The following AK8 variants were observed in gnomAD, a reference collection of about 807,000 sequenced individuals.
The protein encoded by AK8 is adenylate kinase 8.
In AK8, 44 loss-of-function variants were observed where a neutral mutation model predicts 54.6. The ratio of observed to expected loss-of-function variants is 0.81; its 90% confidence interval spans 0.63 to 1.04. The LOEUF is 1.04. AK8 is among the 50% of genes least tolerant of loss of function. The pLI is 0.00. For missense variants in AK8, 555 were observed against 613.6 expected (o/e 0.90, Z 1.01); for synonymous variants, 239 against 245.6 (o/e 0.97, Z 0.25).
chr9:132,813,261 A>G (rs1268664565), intron 10 of AK8, among the ~76,000 whole-genome samples: 1 of 151,744 alleles, frequency 6.6e-6, no homozygotes, highest in Non-Finnish European at 1.5e-5. Flanking sequence ...TACTCCACAC[A>G]CTTGAACTCC....
chr9:132,848,016 G>T (rs2809258), intron 5 of AK8, among the ~76,000 whole-genome samples: 114,677 of 151,538 alleles, frequency 0.76, 43,614 homozygotes, highest in South Asian at 0.86. Flanking sequence ...CTCAGGAAGC[G>T]GAGGTGGGAG....
intron 5 of AK8, among the ~76,000 whole-genome samples, chr9:132,835,454 C>T (rs941884377): frequency 9.2e-5 from 14 of 152,190 alleles, no homozygotes; most frequent in African/African-American, 3.4e-4. Flanking sequence ...GGCCCATTCC[C>T]CTCAAACACT....
intron 11 of AK8, among the ~76,000 whole-genome samples, chr9:132,746,269 T>C (rs1039899715): frequency 8.5e-5 from 13 of 152,178 alleles, no homozygotes; most frequent in African/African-American, 3.1e-4. Flanking sequence ...AGCCCTGTGG[T>C]TACCACCTTC....
chr9:132,843,966 A>C (rs1428356784), intron 5 of AK8, among the ~76,000 whole-genome samples: 5 of 152,244 alleles, frequency 3.3e-5, no homozygotes, highest in Non-Finnish European at 7.3e-5. Flanking sequence ...ATCAGGTTCC[A>C]AATAAAGGAA....
intron 1 of AK8, among the ~76,000 whole-genome samples, chr9:132,875,655 C>T (rs141478710): frequency 8.5e-5 from 13 of 152,348 alleles, no homozygotes; most frequent in African/African-American, 2.6e-4. Context: ...ATGTGCACTA[C>T]GTAAATATGT....
rs142063382 is a variant in AK8 at position 132,791,802 on chromosome 9, C to G, written c.1121+832G>C. On this transcript the variant is annotated intron_variant, in intron 11 of 12. Coordinates refer to ENST00000298545, the MANE Select transcript of AK8 (RefSeq NM_152572.3). The surrounding 1 kb of genome is among the most constrained non-coding windows in gnomAD (Gnocchi z 4.0). ...CCACAATCTCTGCAGCAATCAGCCC[C>G]AAAGGACCAGGACTTGATCAGGAAT... Among the ~76,000 whole-genome samples, 35 of 152,366 alleles carry G rather than the reference C, an allele frequency of 2.3e-4. No homozygotes were observed. Among genetic ancestry groups the G allele is most frequent in the African/African-American group, 7.9e-4 (33 of 41,578 alleles).
At chr9:132,871,115 G>A (rs1419046581) in intron 2 of AK8, among the ~76,000 whole-genome samples, 3 of 152,098 alleles carry the variant, frequency 2.0e-5, no homozygotes, top group Non-Finnish European at 4.4e-5. Context: ...GCATGGTGGC[G>A]GGTGCCTGTA....
chr9:132,782,177 A>G (rs1434569033), intron 11 of AK8, among the ~76,000 whole-genome samples: 1 of 152,018 alleles, frequency 6.6e-6, no homozygotes, highest in Non-Finnish European at 1.5e-5. Context: ...CGGTTCTTGA[A>G]TATTCCTCCT....
chr9:132,853,763 A>G (rs967000426), intron 5 of AK8, among the ~76,000 whole-genome samples: 12 of 142,772 alleles, frequency 8.4e-5, no homozygotes, highest in Non-Finnish European at 1.5e-4. Context: ...CAGCCTGGGC[A>G]ACAGAGCAAG....
At position 132,807,948 on chromosome 9, in the gene AK8, C is replaced by T. The variant is rs144696814; in HGVS notation, c.979+6690G>A. Among the ~76,000 whole-genome samples the T allele has an allele frequency of 4.4e-3, 668 of 151,618 alleles. 8 individuals are homozygous for T. Among genetic ancestry groups the T allele is most frequent in the African/African-American group, 0.015 (610 of 41,330 alleles). On this transcript the variant is annotated intron_variant, in intron 10 of 12. Transcript: ENST00000298545. Reference sequence around the variant, plus strand: ...GGCAGTGGTGGCCACTGTGAGCCACCGCTGATTTAAGCAAAGAACTGAGAT... The same window carrying T: ...GGCAGTGGTGGCCACTGTGAGCCACTGCTGATTTAAGCAAAGAACTGAGAT...
At position 132,733,122 on chromosome 9, in the gene AK8, C is replaced by T. The variant is rs755907038; in HGVS notation, c.1122-5588G>A. ...CAACTGTTTCCCCAGCAGCCTGGAG[C>T]GGCTGGGAGCCATGAAAAGCCCATG... On this transcript the variant is annotated intron_variant, in intron 11 of 12. Transcript: ENST00000298545. 1.1e-4 allele frequency among the ~76,000 whole-genome samples: 16 copies of T among 152,192 alleles called. No homozygotes were observed. The East Asian group carries it at 1.2e-3, about 11-fold the overall frequency.
At chr9:132,858,633 C>T (rs1423620472) in intron 4 of AK8, among the ~76,000 whole-genome samples, 1 of 152,206 alleles carries the variant, frequency 6.6e-6, no homozygotes, top group African/African-American at 2.4e-5. Flanking sequence ...ACCCAGTAGT[C>T]GGACTTGAGC....
chr9:132,821,429 G>A (rs1841604171), intron 9 of AK8, among the ~76,000 whole-genome samples: 1 of 152,136 alleles, frequency 6.6e-6, no homozygotes, highest in South Asian at 2.1e-4. Flanking sequence ...ATCAAAAGAA[G>A]AAGGAATTAT....
intron 11 of AK8, among the ~76,000 whole-genome samples, chr9:132,788,611 T>C (rs1463727192): frequency 6.6e-6 from 1 of 152,210 alleles, no homozygotes; most frequent in African/African-American, 2.4e-5. Context: ...ATTCAAATTA[T>C]GTTAATATAT....
In AK8 at chr9:132,725,630, G is replaced by T; in HGVS notation, c.*58C>A. On this transcript the variant is annotated 3_prime_UTR_variant, in exon 13 of 13. Coordinates refer to ENST00000298545, the MANE Select transcript of AK8 (RefSeq NM_152572.3). The stretch of plus-strand genomic sequence containing the variant: ...TTAGGGGAGCTGTGCCGAGGCTGGG[G>T]GGCTGGGGGCAGGGGATTAACTCTT... 6.9e-7 allele frequency: 1 copy of T among 1,453,018 alleles called. No individual in the cohort carries two copies. The highest frequency in any genetic ancestry group is 2.0e-4 in the Middle Eastern group (1 of 5,106). 90.0% of individuals were successfully genotyped at this position (1,453,018 alleles called of 1,614,324 possible).
At chr9:132,742,453 T>A (rs1837438162) in intron 11 of AK8, among the ~76,000 whole-genome samples, 1 of 152,202 alleles carries the variant, frequency 6.6e-6, no homozygotes, top group South Asian at 2.1e-4. Context: ...ATTACAGGCG[T>A]GAGCCACGGT....
chr9:132,815,994 G>A (rs1370884123), intron 9 of AK8, among the ~76,000 whole-genome samples: 1 of 152,174 alleles, frequency 6.6e-6, no homozygotes, highest in Non-Finnish European at 1.5e-5. Context: ...AATGACAGCA[G>A]TTGTCATTTA....
chr9:132,821,799 A>ATATACG (rs1491493466), intron 9 of AK8, among the ~76,000 whole-genome samples: 30 of 117,898 alleles, frequency 2.5e-4, no homozygotes, highest in Admixed American at 1.3e-3. Flanking sequence ...AAATATATAC[A>ATATACG]TATATGTGTA....
rs958360716 is a variant in AK8 at position 132,837,351 on chromosome 9, G to A, written c.403-8625C>T. Among the ~76,000 whole-genome samples, 3 of 149,496 alleles carry A rather than the reference G, an allele frequency of 2.0e-5. No individual in the cohort carries two copies. Among genetic ancestry groups the A allele is most frequent in the Admixed American group, 1.3e-4 (2 of 15,000 alleles). ...AAAAAAAAAAAAAGAATGAAAGAAT[G>A]AGGAGTTGGCCCCCTTCTGCTCTGC... On this transcript the variant is annotated intron_variant, in intron 5 of 12. Coordinates refer to ENST00000298545, the MANE Select transcript of AK8 (RefSeq NM_152572.3). The surrounding 1 kb of genome is among the most constrained non-coding windows in gnomAD (Gnocchi z 4.3).
Sources: allele counts gnomAD v4.1 joint callset (sites outside exome capture counted in the v4.1 genomes callset), GRCh38; gene constraint gnomAD v4.1.1; non-coding constraint Gnocchi (gnomAD v3.1); transcripts MANE v1.5; gene names NCBI Gene and HGNC (gene_info 2026-07-23, HGNC 2026-07-21).